FDFT1: variants seen among roughly 807,000 people sequenced by gnomAD.
FDFT1 encodes the protein farnesyl-diphosphate farnesyltransferase 1.
A neutral mutation model predicts 46.8 loss-of-function variants in FDFT1; 68 were observed. That is an observed-to-expected ratio of 1.45 (90% CI 1.19 to 1.78). The LOEUF (loss-of-function observed/expected upper bound fraction) is 1.78. Ranked by LOEUF, FDFT1 falls within the 40% of genes most tolerant of loss-of-function variation. The pLI is 0.00. For synonymous variants in FDFT1, 351 were observed against 185.1 expected (o/e 1.90, Z -7.28); for missense variants, 928 against 524.4 (o/e 1.77, Z -7.52).
rs1173764516 is a variant in FDFT1, at chr8:11,839,281, G to A, written c.*672G>A. 1 of 152,392 alleles carries A rather than the reference G, an allele frequency of 6.6e-6. No individual in the cohort carries two copies. Among genetic ancestry groups the A allele is most frequent in the Non-Finnish European group, 1.5e-5 (1 of 68,284 alleles). The allele number at this position is 152,392 out of a possible 1,614,324, so 9.4% of individuals were successfully genotyped here. A position where few individuals can be genotyped will look rare whatever the true frequency, so the allele number is the denominator to read the frequency against. On this transcript the variant is annotated 3_prime_UTR_variant, in exon 8 of 8. Transcript: ENST00000220584. Reference sequence around the variant, plus strand: ...ACATTTTTGAGATTTTTATAATAAAGAATTTAATTGCTCTGCATTTGTCAA... The same window carrying A: ...ACATTTTTGAGATTTTTATAATAAAAAATTTAATTGCTCTGCATTTGTCAA...
chr8:11,828,162 C>G (rs141733941), intron 5 of FDFT1, among the ~76,000 whole-genome samples: 2 of 152,052 alleles, frequency 1.3e-5, no homozygotes, highest in South Asian at 2.1e-4. Context: ...GTGGCACACC[C>G]CTATAGTTCT....
chr8:11,801,418 C>A (rs959237208), upstream of FDFT1, among the ~76,000 whole-genome samples: 4 of 152,224 alleles, frequency 2.6e-5, no homozygotes, highest in African/African-American at 9.6e-5. Flanking sequence ...CTCCTGTGTT[C>A]AAGCGATTCT....
rs1811972812 is a variant in FDFT1 at position 11,839,085 on chromosome 8, G to GT, written c.*479dup. The GT allele has an allele frequency of 6.3e-6, 1 of 159,820 alleles. No individual in the cohort carries two copies. The highest frequency in any genetic ancestry group is 6.0e-5 in the Admixed American group (1 of 16,784). The allele number at this position is 159,820 out of a possible 1,614,324, so 9.9% of individuals were successfully genotyped here. A position where few individuals can be genotyped will look rare whatever the true frequency, so the allele number is the denominator to read the frequency against. On this transcript the variant is annotated 3_prime_UTR_variant, in exon 8 of 8. Transcript: ENST00000220584. ...AATGGAGTAGATAGAAATATTTATGGTTTAGGTAACAGTTAGATGTTTCCT... is the reference window on the plus strand; with the variant it reads ...AATGGAGTAGATAGAAATATTTATGGTTTTAGGTAACAGTTAGATGTTTCCT...
chr8:11,827,603 T>A (rs1362141192), intron 5 of FDFT1, among the ~76,000 whole-genome samples: 1 of 151,480 alleles, frequency 6.6e-6, no homozygotes, highest in Non-Finnish European at 1.5e-5. Flanking sequence ...AAAAAAAACT[T>A]CTAAAAGTTA....
At chr8:11,808,450 C>T (rs1032577) in intron 1 of FDFT1, 736,715 of 1,265,402 alleles carry the variant, frequency 0.58, 217,014 homozygotes, top group East Asian at 0.7. Flanking sequence ...CCGTCCCGCC[C>T]CTCGTCGGGC....
At chr8:11,835,971 TAAAAAAAAAAAA>T (rs755611965) in intron 7 of FDFT1, among the ~76,000 whole-genome samples, 4 of 64,608 alleles carry the variant, frequency 6.2e-5, no homozygotes, top group South Asian at 6.3e-4. Flanking sequence ...CTGTCTCTAC[TAAAAAAAAAAAA>T]AAAAAAAAAA....
At chr8:11,819,212 G>T (rs1014656859) in intron 3 of FDFT1, among the ~76,000 whole-genome samples, 1 of 152,236 alleles carries the variant, frequency 6.6e-6, no homozygotes, top group Admixed American at 6.5e-5. Context: ...TCTGCTGAGA[G>T]ATCTGCTGTT....
chr8:11,813,815 C>T (rs1275990922), intron 3 of FDFT1, among the ~76,000 whole-genome samples: 1 of 152,162 alleles, frequency 6.6e-6, no homozygotes, highest in Non-Finnish European at 1.5e-5. Flanking sequence ...GGAAAAAGCC[C>T]TCCTGGCTCA....
chr8:11,798,597 A>T (rs536839562), upstream of FDFT1, among the ~76,000 whole-genome samples: 10 of 152,254 alleles, frequency 6.6e-5, no homozygotes, highest in Middle Eastern at 3.2e-3. Context: ...GTGATTACAA[A>T]ACTGAGAGGC....
chr8:11,814,015 T>G (rs1277332631), intron 3 of FDFT1, among the ~76,000 whole-genome samples: 2 of 152,194 alleles, frequency 1.3e-5, no homozygotes, highest in Non-Finnish European at 2.9e-5. Flanking sequence ...TAATAAAAAG[T>G]CGTTGGAAGG....
chr8:11,825,643 A>G (rs2130838420), intron 4 of FDFT1, among the ~76,000 whole-genome samples: 1 of 151,622 alleles, frequency 6.6e-6, no homozygotes, highest in Admixed American at 6.6e-5. Context: ...GCTTGGGTCC[A>G]GTAGTTTGAG....
At chr8:11,834,644 T>C (rs1280091588) in intron 7 of FDFT1, among the ~76,000 whole-genome samples, 2 of 152,198 alleles carry the variant, frequency 1.3e-5, no homozygotes, top group Admixed American at 6.6e-5. Context: ...TTTGCTTTAA[T>C]GGAAGTTTAG....
intron 7 of FDFT1, among the ~76,000 whole-genome samples, chr8:11,831,979 G>A (rs1810866455): frequency 6.6e-6 from 1 of 152,186 alleles, no homozygotes; most frequent in African/African-American, 2.4e-5. Context: ...TCTTGTTGCT[G>A]GTGAGGAATG....
rs1450062185 is a variant in FDFT1, at chr8:11,839,114, A to G, written c.*505A>G. On this transcript the variant is annotated 3_prime_UTR_variant, in exon 8 of 8. Transcript: ENST00000220584. ...AGGTAACAGTTAGATGTTTCCTAAG[A>G]ATGCAAACTGCCTTTTCCACACAAA... 6.4e-6 allele frequency: 1 copy of G among 155,862 alleles called. No individual in the cohort carries two copies. Among genetic ancestry groups the G allele is most frequent in the Non-Finnish European group, 1.4e-5 (1 of 70,026 alleles). The allele number at this position is 155,862 out of a possible 1,614,324, so 9.7% of individuals were successfully genotyped here.
rs779612285 is a variant in FDFT1 at position 11,821,848 on chromosome 8, G to C, written c.480G>C (p.Lys160Asn). ...TTGGGATGGCAGAGTTTTTGGATAA[G>C]CATGTGACCTCTGAACAGGAGTGGG... ...MGIGMAEFLD[K>N]HVTSEQEWDK... Residue 160 changes from lysine (K) to asparagine (N), a missense_variant, in exon 4 of 8, where the codon AAG becomes AAC. By Grantham distance (94) the Lys-to-Asn change is moderately conservative. Coordinates refer to ENST00000220584, the MANE Select transcript of FDFT1 (RefSeq NM_004462.5). 2 of 1,613,294 alleles carry C rather than the reference G, an allele frequency of 1.2e-6. No homozygotes were observed. Among genetic ancestry groups the C allele is most frequent in the South Asian group, 1.1e-5 (1 of 91,076 alleles).
At chr8:11,798,606 G>A (rs1040344300), upstream of FDFT1, among the ~76,000 whole-genome samples, 3 of 152,228 alleles carry the variant, frequency 2.0e-5, no homozygotes, top group Non-Finnish European at 4.4e-5. Flanking sequence ...AAACTGAGAG[G>A]CTGTTAACGC....
chr8:11,832,578 T>TAAAAAAAAAAA (rs1810983796), intron 7 of FDFT1, among the ~76,000 whole-genome samples: 1 of 58,148 alleles, frequency 1.7e-5, no homozygotes, highest in Non-Finnish European at 4.7e-5. Context: ...AAAAAAAAAG[T>TAAAAAAAAAAA]CTTAGAGACC....
rs1444818365 is a variant in FDFT1 at position 11,808,879 on chromosome 8, A to T, written c.185A>T (p.Asp62Val). The change falls in exon 2 of 8, where the codon GAT becomes GTT. Residue 62 changes from aspartate to valine, a missense_variant. Transcript: ENST00000220584. ...RSFAAVIQAL[D>V]GEMRNAVCIF... is the part of the protein sequence containing the mutation. ...TTCGCAGCTGTTATCCAGGCGCTGG[A>T]TGGGGAAATGCGGTGAGTGATGGAG... 2 of 1,613,746 alleles carry T rather than the reference A, an allele frequency of 1.2e-6. No individual in the cohort carries two copies. The highest frequency in any genetic ancestry group is 1.7e-6 in the Non-Finnish European group (2 of 1,179,902).
intron 1 of FDFT1, 140 bp downstream of exon 1, chr8:11,803,071 C>T (rs1278361903): frequency 2.8e-6 from 4 of 1,449,314 alleles, no homozygotes; most frequent in East Asian, 2.5e-5. Flanking sequence ...TCCCCCTTTC[C>T]TCGAGCCTTC....
Sources: allele counts gnomAD v4.1 joint callset (sites outside exome capture counted in the v4.1 genomes callset), GRCh38; gene constraint gnomAD v4.1.1; transcripts MANE v1.5; gene names NCBI Gene and HGNC (gene_info 2026-07-23, HGNC 2026-07-21).